MRS2: variants seen among roughly 807,000 people sequenced by gnomAD.
MRS2 encodes magnesium transporter MRS2 homolog, mitochondrial.
A neutral mutation model predicts 52.6 loss-of-function variants in MRS2; 40 were observed. The ratio of observed to expected loss-of-function variants is 0.76; its 90% CI spans 0.59 to 0.99. The LOEUF (loss-of-function observed/expected upper bound fraction) is 0.99. Ranked by LOEUF, MRS2 falls within the 50% of genes least tolerant of loss-of-function variation. The pLI is 0.00. For synonymous variants in MRS2, 193 were observed against 195.9 expected, an observed-to-expected ratio of 0.98 and a Z score of 0.13; for missense variants, 472 against 532.7, an observed-to-expected ratio of 0.89 and a Z score of 1.12.
At chr6:24,406,912 G>C (rs1761493999) in intron 2 of MRS2, among the ~76,000 whole-genome samples, 1 of 152,122 alleles carries the variant, frequency 6.6e-6, no homozygotes, top group Admixed American at 6.5e-5. Context: ...GTTTGAAATA[G>C]TTTAGAAAGT....
chr6:24,416,274 TAAG>T, intron 6 of MRS2, 120 bp from the exon 7 acceptor site: 1 of 470,614 alleles, frequency 2.1e-6, no homozygotes, highest in Non-Finnish European at 3.8e-6. Context: ...TTTTTTTAAA[TAAG>T]TCATTGTTTA....
At chr6:24,410,522 CA>C (rs781169414) in intron 4 of MRS2, among the ~76,000 whole-genome samples, 2 of 151,866 alleles carry the variant, frequency 1.3e-5, no homozygotes, top group Non-Finnish European at 2.9e-5. Flanking sequence ...TAGAACTAAT[CA>C]AAATAATAAA....
rs1396664963 is a variant in MRS2 at position 24,412,204 on chromosome 6, T to A, written c.415-18T>A. The A allele has an allele frequency of 5.1e-6, 4 of 789,152 alleles. No individual in the cohort carries two copies. The highest frequency in any genetic ancestry group is 5.2e-6 in the Non-Finnish European group (3 of 572,102). The allele number at this position is 789,152 out of a possible 1,614,324, so 48.9% of individuals were successfully genotyped here. A position where few individuals can be genotyped will look rare whatever the true frequency, so the allele number is the denominator to read the frequency against. ...ACACTCACATATTTATATGTTTTGGTTTTTTTTTTTTTAACAGTATTTGAA... is the reference window on the plus strand; with the variant it reads ...ACACTCACATATTTATATGTTTTGGATTTTTTTTTTTTAACAGTATTTGAA... On this transcript the variant is annotated intron_variant, in intron 4 of 10. Transcript: ENST00000378386.
In MRS2 at chr6:24,409,388, G is replaced by A. The variant is rs1761577976; in HGVS notation, c.302-73G>A. Reference sequence around the variant, plus strand: ...AAAAATTGTCTTGATGGTGGTGGGAGGACTGCTCTGATGGAAAAATCTAAG... The same window carrying A: ...AAAAATTGTCTTGATGGTGGTGGGAAGACTGCTCTGATGGAAAAATCTAAG... On this transcript the variant is annotated intron_variant, in intron 3 of 10. Coordinates refer to ENST00000378386, the MANE Select transcript of MRS2 (RefSeq NM_020662.4). 8 of 834,784 alleles carry A rather than the reference G, an allele frequency of 9.6e-6. No homozygotes were observed. The South Asian group carries it at 9.8e-5, about 10-fold the overall frequency. 51.7% of individuals were successfully genotyped at this position (834,784 alleles called of 1,614,324 possible). A position where few individuals can be genotyped will look rare whatever the true frequency, so the allele number is the denominator to read the frequency against.
chr6:24,409,195 G>A (rs1243768217), intron 3 of MRS2, among the ~76,000 whole-genome samples: 4 of 152,170 alleles, frequency 2.6e-5, no homozygotes, highest in East Asian at 1.9e-4. Context: ...TTCTAATGAT[G>A]CATAGTTGTG....
Position 24,412,367 on chromosome 6 carries a change from G to C in MRS2, c.560G>C (p.Arg187Thr). The C allele has an allele frequency of 1.9e-6, 3 of 1,583,294 alleles. No individual in the cohort carries two copies. The highest frequency in any genetic ancestry group is 2.6e-6 in the Non-Finnish European group (3 of 1,167,598). Residue 187 changes from arginine to threonine, a missense_variant, in exon 5 of 11, where the codon AGA (arginine) becomes ACA (threonine). Coordinates refer to ENST00000378386, the MANE Select transcript of MRS2 (RefSeq NM_020662.4). ...ACATACCCTTTACCTTTTGAGTTTAGAGCTATAGAAGCACTCCTGCAATAT... is the reference window on the plus strand; with the variant it reads ...ACATACCCTTTACCTTTTGAGTTTACAGCTATAGAAGCACTCCTGCAATAT... ...LVTYPLPFEF[R>T]AIEALLQYWI...
At position 24,423,855 on chromosome 6, in the gene MRS2, C is replaced by T. The variant is rs1457290959; in HGVS notation, c.*161C>T. ...ACAATACCAGAACTGGATTGCATTT[C>T]CAGAATTCTGAGTTAAAGAAACAAA... On this transcript the variant is annotated 3_prime_UTR_variant, in exon 11 of 11. Coordinates refer to ENST00000378386, the MANE Select transcript of MRS2 (RefSeq NM_020662.4). 2 of 395,126 alleles carry T rather than the reference C, an allele frequency of 5.1e-6. No homozygotes were observed. The highest frequency in any genetic ancestry group is 9.2e-6 in the Non-Finnish European group (2 of 218,346). 24.5% of individuals were successfully genotyped at this position (395,126 alleles called of 1,614,324 possible). A position where few individuals can be genotyped will look rare whatever the true frequency, so the allele number is the denominator to read the frequency against.
At chr6:24,409,663 T>G in intron 4 of MRS2, 90 bp downstream of exon 4, 1 of 758,318 alleles carries the variant, frequency 1.3e-6, no homozygotes, top group Admixed American at 3.0e-5. Flanking sequence ...AGGTTAAAAG[T>G]AATTTTGGAA....
intron 1 of MRS2, 123 bp downstream of exon 1, chr6:24,403,359 C>T: frequency 1.0e-6 from 1 of 984,726 alleles, no homozygotes. Flanking sequence ...CGGCCTCCCG[C>T]GTGTCCTGTG....
At chr6:24,422,062 A>G (rs1276277262) in intron 9 of MRS2, among the ~76,000 whole-genome samples, 1 of 152,148 alleles carries the variant, frequency 6.6e-6, no homozygotes, top group African/African-American at 2.4e-5. Flanking sequence ...AGGCACAAGA[A>G]TCGCTTGAAT....
At position 24,425,756 on chromosome 6, in the gene MRS2, G is replaced by C. The variant is rs537584954; in HGVS notation, c.*2062G>C. 8 of 152,298 alleles carry C rather than the reference G, an allele frequency of 5.3e-5. No individual in the cohort carries two copies. In the East Asian group the frequency reaches 1.5e-3, roughly 29 times the overall value. The allele number at this position is 152,298 out of a possible 1,614,324, so 9.4% of individuals were successfully genotyped here. On this transcript the variant is annotated 3_prime_UTR_variant, in exon 11 of 11. Coordinates refer to ENST00000378386, the MANE Select transcript of MRS2 (RefSeq NM_020662.4). Reference sequence around the variant, plus strand: ...CAAGGTGTGATACTGTCTTTGGAAGGCTCCTAAACAAATGTGAGCACAATT... The same window carrying C: ...CAAGGTGTGATACTGTCTTTGGAAGCCTCCTAAACAAATGTGAGCACAATT...
intron 10 of MRS2, chr6:24,423,280 C>A: frequency 2.0e-6 from 1 of 494,624 alleles, no homozygotes. Context: ...CTGCCTAACA[C>A]AATAAGTTAG....
At position 24,424,851 on chromosome 6, in the gene MRS2, G is replaced by A. The variant is rs1762174381; in HGVS notation, c.*1157G>A. On this transcript the variant is annotated 3_prime_UTR_variant, in exon 11 of 11. Transcript: ENST00000378386. Reference sequence around the variant, plus strand: ...TGATGTCATATGAGGAAGTTTAGGAGTCCATTTTTCAGGTGGTTTGGTGAT... The same window carrying A: ...TGATGTCATATGAGGAAGTTTAGGAATCCATTTTTCAGGTGGTTTGGTGAT... The A allele has an allele frequency of 6.6e-6, 1 of 152,186 alleles. No homozygotes were observed. Among genetic ancestry groups the A allele is most frequent in the African/African-American group, 2.4e-5 (1 of 41,448 alleles). 9.4% of individuals were successfully genotyped at this position (152,186 alleles called of 1,614,324 possible).
In MRS2 at chr6:24,418,129, G is replaced by A; in HGVS notation, c.882G>A (p.Leu294=). ...TTGACCATGCAGAAGAGATGGAGTT[G>A]CTGTTGGAAAACTACTACCGATTGG... ...AGIDHAEEME[L]LLENYYRLAD... Residue 294 remains leucine (L), a synonymous_variant, in exon 8 of 11, where the codon TTG becomes TTA. Coordinates refer to ENST00000378386, the MANE Select transcript of MRS2 (RefSeq NM_020662.4). 1 of 1,613,722 alleles carries A rather than the reference G, an allele frequency of 6.2e-7. No individual in the cohort carries two copies. Among genetic ancestry groups the A allele is most frequent in the Non-Finnish European group, 8.5e-7 (1 of 1,179,808 alleles).
At chr6:24,409,757 A>T (rs556271167) in intron 4 of MRS2, among the ~76,000 whole-genome samples, 184 bp downstream of exon 4, 10 of 152,222 alleles carry the variant, frequency 6.6e-5, no homozygotes, top group Non-Finnish European at 1.3e-4. Flanking sequence ...GATTATATGC[A>T]CATGTTCAAT....
At chr6:24,409,082 T>C (rs1761567647) in intron 3 of MRS2, among the ~76,000 whole-genome samples, 1 of 152,216 alleles carries the variant, frequency 6.6e-6, no homozygotes, top group South Asian at 2.1e-4. Flanking sequence ...TGTTCACATA[T>C]ATAAAATACT....
Position 24,418,476 on chromosome 6 carries a change from G to A in MRS2, c.1005G>A (p.Met335Ile), listed in dbSNP as rs983376431. 5 of 1,613,988 alleles carry A rather than the reference G, an allele frequency of 3.1e-6. No homozygotes were observed. The African/African-American group carries it at 4.0e-5, about 13-fold the overall frequency. The stretch of plus-strand genomic sequence containing the variant: ...TCCTCTCCAGCCACCGAAACGTGAT[G>A]ATGAGGTTGAATCTACAGCTGACCA... ...FINLDSHRNV[M>I]MRLNLQLTMG... The change falls in exon 9 of 11, where the codon ATG (methionine) becomes ATA (isoleucine). Residue 335 changes from methionine (M) to isoleucine (I), a missense_variant. By Grantham distance (10) the Met-to-Ile change is conservative (BLOSUM62 1). Coordinates refer to ENST00000378386, the MANE Select transcript of MRS2 (RefSeq NM_020662.4).
Position 24,421,245 on chromosome 6 carries a change from ATAGTTT to A in MRS2, c.1108-1687_1108-1682del, listed in dbSNP as rs1200997887. On this transcript the variant is annotated intron_variant, in intron 9 of 10. Coordinates refer to ENST00000378386, the MANE Select transcript of MRS2 (RefSeq NM_020662.4). ...GGAAGATTTTTCAAATTCCTTTCTT[ATAGTTT>A]TAGTATGTGCAATCCTAGGTACAGC... is the stretch of plus-strand genomic sequence containing the variant. Among the ~76,000 whole-genome samples, 21 of 152,340 alleles carry A rather than the reference ATAGTTT, an allele frequency of 1.4e-4. No homozygotes were observed. The East Asian group carries it at 4.0e-3, about 29-fold the overall frequency.
chr6:24,407,085 T>TATAAC (rs149425052), intron 2 of MRS2, among the ~76,000 whole-genome samples: 41,293 of 126,220 alleles, frequency 0.33, 6,693 homozygotes, highest in East Asian at 0.66. Flanking sequence ...AAGCAGTATG[T>TATAAC]ATAAGTATGT....
Sources: gnomAD v4.1 joint callset for allele counts (sites outside exome capture counted in the v4.1 genomes callset) on GRCh38, gnomAD v4.1.1 for gene constraint, MANE v1.5 for transcripts, NCBI Gene and HGNC (gene_info 2026-07-23, HGNC 2026-07-21) for gene names.